Variants in FBXL13 observed in about 807,000 individuals in gnomAD.
FBXL13 encodes F-box and leucine-rich repeat protein 13.
A neutral mutation model predicts 83.6 loss-of-function variants in FBXL13; 67 were observed. The ratio of observed to expected loss-of-function variants is 0.80; its 90% CI spans 0.66 to 0.98. The LOEUF (loss-of-function observed/expected upper bound fraction) is 0.98. Ranked by LOEUF, FBXL13 falls within the 50% of genes least tolerant of loss-of-function variation. The pLI, the probability that FBXL13 is intolerant of heterozygous loss-of-function variation, is 0.00. For missense variants in FBXL13, 822 were observed against 866.5 expected, an observed-to-expected ratio of 0.95 and a Z score of 0.64; for synonymous variants, 272 against 299.5, an observed-to-expected ratio of 0.91 and a Z score of 0.95.
chr7:102,935,242 C>CTTTTTTTTT (rs71106700), intron 8 of FBXL13, among the ~76,000 whole-genome samples: 3 of 76,402 alleles, frequency 3.9e-5, no homozygotes, highest in African/African-American at 5.8e-5. Context: ...TTTTTTCTTT[C>CTTTTTTTTT]TTTTTTTTTT....
At chr7:102,942,838 T>C (rs567337629) in intron 8 of FBXL13, among the ~76,000 whole-genome samples, 2 of 152,346 alleles carry the variant, frequency 1.3e-5, no homozygotes, top group East Asian at 3.8e-4. Flanking sequence ...AAGGACGCTA[T>C]GCTCTACAAG....
At chr7:102,811,703 G>C (rs1449282218), downstream of FBXL13, among the ~76,000 whole-genome samples, 1 of 152,152 alleles carries the variant, frequency 6.6e-6, no homozygotes, top group Non-Finnish European at 1.5e-5. Context: ...AAGCACTTAG[G>C]GATCAGATTT....
intron 17 of FBXL13, among the ~76,000 whole-genome samples, chr7:102,840,978 A>G (rs1802832178): frequency 6.6e-6 from 1 of 152,146 alleles, no homozygotes; most frequent in African/African-American, 2.4e-5. Flanking sequence ...GGGCTTTAGG[A>G]TGAGGAAATA....
chr7:102,852,825 A>G (rs984022801), intron 17 of FBXL13, among the ~76,000 whole-genome samples: 2 of 152,170 alleles, frequency 1.3e-5, no homozygotes, highest in Admixed American at 6.5e-5. Context: ...TGATCCAGCA[A>G]TCCCACTGCT....
At chr7:102,817,260 C>G (rs1798141005) in intron 19 of FBXL13, among the ~76,000 whole-genome samples, 1 of 152,134 alleles carries the variant, frequency 6.6e-6, no homozygotes, top group African/African-American at 2.4e-5. Context: ...ACATCCTCAC[C>G]AGCATCTTTT....
chr7:102,856,603 T>G (rs953867071), intron 16 of FBXL13, among the ~76,000 whole-genome samples: 1 of 152,242 alleles, frequency 6.6e-6, no homozygotes, highest in African/African-American at 2.4e-5. Context: ...CAGAATGTCA[T>G]GTCTCATCAC....
At chr7:102,835,271 C>A (rs1801675380) in intron 17 of FBXL13, among the ~76,000 whole-genome samples, 1 of 152,094 alleles carries the variant, frequency 6.6e-6, no homozygotes, top group Non-Finnish European at 1.5e-5. Context: ...TTAGAAGGGG[C>A]AGCTTGTCAG....
At chr7:102,950,661 A>C (rs1026859557) in intron 8 of FBXL13, among the ~76,000 whole-genome samples, 2 of 152,232 alleles carry the variant, frequency 1.3e-5, no homozygotes, top group Admixed American at 1.3e-4. Context: ...AGACAATGGA[A>C]TATTATTCAG....
chr7:102,822,933 G>A (rs1289716667), intron 18 of FBXL13, among the ~76,000 whole-genome samples: 8 of 152,026 alleles, frequency 5.3e-5, no homozygotes, highest in African/African-American at 1.5e-4. Context: ...ATGGTGGCAC[G>A]TGCCTGTAGT....
intron 10 of FBXL13, among the ~76,000 whole-genome samples, chr7:102,914,700 G>A (rs995357718): frequency 6.6e-6 from 1 of 152,240 alleles, no homozygotes; most frequent in Non-Finnish European, 1.5e-5. Context: ...CTGTGTACGT[G>A]AGATTCGACA....
In FBXL13 at chr7:102,983,133, G is replaced by A. The variant is rs140220491; in HGVS notation, c.496-15016C>T. Among the ~76,000 whole-genome samples, 397 of 152,244 alleles carry A rather than the reference G, an allele frequency of 2.6e-3. 2 individuals carry two copies. The highest frequency in any genetic ancestry group is 9.1e-3 in the African/African-American group (378 of 41,540). The stretch of plus-strand genomic sequence containing the variant: ...AATTATGAGACTAGAAGCAAAGAGG[G>A]GTGGTAGGGGTGAGTTCTAAGAAAA... On this transcript the variant is annotated intron_variant, in intron 6 of 19. Coordinates refer to ENST00000313221, the Ensembl canonical transcript of FBXL13.
At chr7:103,057,174 T>C (rs1797419423) in intron 1 of FBXL13, among the ~76,000 whole-genome samples, 1 of 152,202 alleles carries the variant, frequency 6.6e-6, no homozygotes, top group Non-Finnish European at 1.5e-5. Flanking sequence ...TTAAAGTAAA[T>C]GTGTTTTTAC....
At chr7:102,963,651 T>C (rs571493092) in exon 8 of FBXL13, 2 of 1,598,800 alleles carry the variant, frequency 1.3e-6, no homozygotes, top group African/African-American at 1.4e-5. Context: ...CATTTTTCAC[T>C]GAGGAAAAAT....
At chr7:102,826,770 T>TATATATATATATATA in intron 18 of FBXL13, among the ~76,000 whole-genome samples, 1 of 98,982 alleles carries the variant, frequency 1.0e-5, no homozygotes, top group South Asian at 2.7e-4. Context: ...TATATATATA[T>TATATATATATATATA]ATGTATATAT....
intron 18 of FBXL13, among the ~76,000 whole-genome samples, chr7:102,829,200 C>T (rs1800233473): frequency 1.3e-5 from 2 of 152,242 alleles, no homozygotes; most frequent in Admixed American, 6.5e-5. Flanking sequence ...AGCAGCTTTC[C>T]TGAGCCTTGG....
intron 15 of FBXL13, 47 bp from the exon 17 acceptor site, chr7:102,877,640 CAGTA>C: frequency 6.4e-7 from 1 of 1,559,814 alleles, no homozygotes; most frequent in Non-Finnish European, 8.6e-7. Context: ...ATCATATTGT[CAGTA>C]AGCAATTTCT....
intron 8 of FBXL13, among the ~76,000 whole-genome samples, chr7:102,953,970 G>A (rs1016143061): frequency 6.6e-6 from 1 of 152,102 alleles, no homozygotes; most frequent in African/African-American, 2.4e-5. Flanking sequence ...GTTCCAAGAT[G>A]GCCGAATAGG....
chr7:102,899,673 G>C (rs373911718), intron 11 of FBXL13, among the ~76,000 whole-genome samples: 17 of 152,260 alleles, frequency 1.1e-4, no homozygotes, highest in South Asian at 4.1e-4. Context: ...CAAATGACTA[G>C]TAGCCATGGG....
chr7:102,839,323 A>T (rs1802526399), intron 17 of FBXL13, among the ~76,000 whole-genome samples: 1 of 152,194 alleles, frequency 6.6e-6, no homozygotes, highest in Admixed American at 6.5e-5. Flanking sequence ...TGAAAATGGT[A>T]ATCAATAAAT....
Sources: gnomAD v4.1 joint callset for allele counts (sites outside exome capture counted in the v4.1 genomes callset) on GRCh38, gnomAD v4.1.1 for gene constraint, MANE v1.5 for transcripts, NCBI Gene and HGNC (gene_info 2026-07-23, HGNC 2026-07-21) for gene names.